CSTF3: variants seen among roughly 807,000 people sequenced by gnomAD.
CSTF3 encodes the protein CF-1 77 kDa subunit.
Under a neutral mutation model 105.8 loss-of-function variants are expected in CSTF3, and 29 were observed. The ratio of observed to expected loss-of-function variants is 0.27; its 90% CI spans 0.20 to 0.37. The LOEUF (loss-of-function observed/expected upper bound fraction) is 0.37, where lower values mean the gene tolerates loss of function less well. CSTF3 is among the 10% of genes least tolerant of loss of function. The pLI, the probability that CSTF3 is intolerant of heterozygous loss-of-function variation, is 1.00. For synonymous variants in CSTF3, 252 were observed against 281.9 expected (o/e 0.89, Z 1.06); for missense variants, 357 against 879.3 (o/e 0.41, Z 7.51).
intron 3 of CSTF3, among the ~76,000 whole-genome samples, chr11:33,122,239 T>C (rs1330657400): frequency 2.0e-5 from 3 of 152,226 alleles, no homozygotes; most frequent in Non-Finnish European, 4.4e-5. Flanking sequence ...ATGTTTACTG[T>C]TAATAGAATA....
chr11:33,099,854 G>A lies in CSTF3; in HGVS notation c.827-137C>T, dbSNP rs968403110. The A allele has an allele frequency of 4.2e-5, 22 of 520,210 alleles. No individual in the cohort carries two copies. Among genetic ancestry groups the A allele is most frequent in the Non-Finnish European group, 7.3e-5 (22 of 302,152 alleles). The allele number at this position is 520,210 out of a possible 1,614,324, so 32.2% of individuals were successfully genotyped here. On this transcript the variant is annotated intron_variant, in intron 10 of 20. Coordinates refer to ENST00000323959, the MANE Select transcript of CSTF3 (RefSeq NM_001326.3). This position sits in a 1 kb window ranked among gnomAD's most constrained non-coding sequence, Gnocchi z 4.1. Reference sequence around the variant, plus strand: ...AAATAAAAAGCTTTAGTGATTTCTGGCACCATCATCCATCCAAGTTCCCTC... The same window carrying A: ...AAATAAAAAGCTTTAGTGATTTCTGACACCATCATCCATCCAAGTTCCCTC...
intron 3 of CSTF3, among the ~76,000 whole-genome samples, chr11:33,139,935 A>G (rs981338932): frequency 2.6e-5 from 4 of 152,014 alleles, no homozygotes; most frequent in Non-Finnish European, 4.4e-5. Flanking sequence ...CAGCTAGGAA[A>G]TTGGAGAAAC....
intron 18 of CSTF3, among the ~76,000 whole-genome samples, chr11:33,086,521 T>C (rs1006031722): frequency 6.6e-6 from 1 of 151,704 alleles, no homozygotes; most frequent in African/African-American, 2.4e-5. Flanking sequence ...CACTGCAACC[T>C]CCGCCTCCCG....
Position 33,103,215 on chromosome 11 carries a change from A to T in CSTF3, c.586-31T>A, listed in dbSNP as rs187258893. ...AAAAAACAAAAATATTTTAAAATTAAGTATAGTTTCTTAAAAATTAGTACA... is the reference window on the plus strand; with the variant it reads ...AAAAAACAAAAATATTTTAAAATTATGTATAGTTTCTTAAAAATTAGTACA... On this transcript the variant is annotated intron_variant, in intron 8 of 20. Coordinates refer to ENST00000323959, the MANE Select transcript of CSTF3 (RefSeq NM_001326.3). 2.6e-3 allele frequency: 2,881 copies of T among 1,099,014 alleles called. 6 individuals are homozygous for T. Among genetic ancestry groups the T allele is most frequent in the Non-Finnish European group, 3.5e-3 (2,683 of 765,716 alleles). 68.1% of individuals were successfully genotyped at this position (1,099,014 alleles called of 1,614,324 possible). A position where few individuals can be genotyped will look rare whatever the true frequency, so the allele number is the denominator to read the frequency against.
intron 1 of CSTF3, among the ~76,000 whole-genome samples, chr11:33,146,013 G>C (rs540120250): frequency 6.6e-6 from 1 of 152,140 alleles, no homozygotes; most frequent in Admixed American, 6.5e-5. Flanking sequence ...GAGGCGAGTG[G>C]ATCACCTGAG....
At chr11:33,148,528 C>T (rs534397304) in intron 1 of CSTF3, among the ~76,000 whole-genome samples, 60 of 147,558 alleles carry the variant, frequency 4.1e-4, no homozygotes, top group African/African-American at 1.3e-3. Context: ...GACACCCCGT[C>T]TCTACTAAAA....
chr11:33,146,655 A>G (rs974129756), intron 1 of CSTF3, among the ~76,000 whole-genome samples: 4 of 151,414 alleles, frequency 2.6e-5, no homozygotes, highest in African/African-American at 4.9e-5. Context: ...AGGTAGCCAC[A>G]TGGAAAATAA....
At position 33,095,819 on chromosome 11, in the gene CSTF3, C is replaced by CAAA. The variant is rs71034651; in HGVS notation, c.1375+484_1375+486dup. The stretch of plus-strand genomic sequence containing the variant: ...CCTGGGCGACAGCGAGACTCTGTCT[C>CAAA]AAATAAATAAATAAATAAATAAATA... On this transcript the variant is annotated intron_variant, in intron 15 of 20. Transcript: ENST00000323959. Among the ~76,000 whole-genome samples the CAAA allele has an allele frequency of 1.6e-3, 237 of 146,116 alleles. 1 individual carries two copies. The highest frequency in any genetic ancestry group is 0.01 in the Middle Eastern group (3 of 288).
intron 3 of CSTF3, among the ~76,000 whole-genome samples, chr11:33,117,662 A>AATATAT (rs35833148): frequency 7.4e-5 from 11 of 149,652 alleles, no homozygotes; most frequent in Admixed American, 2.0e-4. Context: ...CTCTCAGCAC[A>AATATAT]ATATATATAT....
intron 1 of CSTF3, among the ~76,000 whole-genome samples, chr11:33,159,370 CG>C (rs796686782): frequency 4.6e-5 from 7 of 151,882 alleles, no homozygotes; most frequent in African/African-American, 1.4e-4. Flanking sequence ...CAGAGGTAGG[CG>C]GATCACTTGA....
chr11:33,150,484 A>G (rs776869370), intron 1 of CSTF3, among the ~76,000 whole-genome samples: 6 of 152,232 alleles, frequency 3.9e-5, no homozygotes, highest in Non-Finnish European at 5.9e-5. Flanking sequence ...TGGACTAGTT[A>G]TCAAGACATA....
chr11:33,151,145 G>A (rs182835127), intron 1 of CSTF3, among the ~76,000 whole-genome samples: 13 of 152,202 alleles, frequency 8.5e-5, no homozygotes, highest in Admixed American at 7.2e-4. Context: ...CTCTAGGGAT[G>A]TGCCCATATT....
intron 8 of CSTF3, among the ~76,000 whole-genome samples, chr11:33,103,705 G>A (rs1330328416): frequency 6.6e-6 from 1 of 152,162 alleles, no homozygotes; most frequent in Non-Finnish European, 1.5e-5. Flanking sequence ...GCGAGGCAGA[G>A]GTTGCAGTGA....
intron 1 of CSTF3, among the ~76,000 whole-genome samples, chr11:33,142,340 T>C (rs953942710): frequency 2.7e-5 from 4 of 147,786 alleles, no homozygotes; most frequent in Non-Finnish European, 4.5e-5. Flanking sequence ...AATCTAGATA[T>C]GAGTTAAGTA....
chr11:33,087,236 G>T, intron 17 of CSTF3, 95 bp from the exon 18 acceptor site: 2 of 1,289,024 alleles, frequency 1.6e-6, no homozygotes, highest in Non-Finnish European at 2.2e-6. Context: ...GAATATCTGG[G>T]TCAAAACCAC....
intron 3 of CSTF3, among the ~76,000 whole-genome samples, chr11:33,125,787 C>A (rs1374220764): frequency 6.6e-6 from 1 of 152,152 alleles, no homozygotes; most frequent in Non-Finnish European, 1.5e-5. Context: ...AAGCTCAAGT[C>A]TTCCCAGTTT....
chr11:33,154,613 C>T (rs376340188), intron 1 of CSTF3, among the ~76,000 whole-genome samples: 5 of 151,604 alleles, frequency 3.3e-5, no homozygotes, highest in Admixed American at 2.0e-4. Flanking sequence ...TATCCTGCCT[C>T]AGCCTCCCAA....
intron 1 of CSTF3, among the ~76,000 whole-genome samples, chr11:33,158,633 C>A (rs1420381669): frequency 6.6e-6 from 1 of 152,074 alleles, no homozygotes; most frequent in Non-Finnish European, 1.5e-5. Context: ...CACCCTAAAC[C>A]AAGTGATCAA....
chr11:33,138,183 C>G (rs151248282), intron 3 of CSTF3, among the ~76,000 whole-genome samples: 1 of 151,706 alleles, frequency 6.6e-6, no homozygotes, highest in Non-Finnish European at 1.5e-5. Context: ...GTTGCTATTA[C>G]CAGCAGCATT....
Sources: allele counts gnomAD v4.1 joint callset (sites outside exome capture counted in the v4.1 genomes callset), GRCh38; gene constraint gnomAD v4.1.1; non-coding constraint Gnocchi (gnomAD v3.1); transcripts MANE v1.5; gene names NCBI Gene and HGNC (gene_info 2026-07-23, HGNC 2026-07-21).